HTR4: variants seen among roughly 807,000 people sequenced by gnomAD.
HTR4 encodes 5-hydroxytryptamine receptor 4.
HTR4 carries 16 observed loss-of-function variants against 36.8 expected under a neutral mutation model. The ratio of observed to expected loss-of-function variants is 0.43; its 90% CI spans 0.29 to 0.66. The LOEUF is 0.66. Among genes scored for constraint, HTR4 ranks in the 30% least tolerant of loss-of-function variants. The pLI is 0.13. For missense variants in HTR4, 438 were observed against 490.9 expected, an observed-to-expected ratio of 0.89 and a Z score of 1.02; for synonymous variants, 189 against 185.1, an observed-to-expected ratio of 1.02 and a Z score of -0.17.
At chr5:148,577,976 T>C (rs1760993241) in intron 2 of HTR4, among the ~76,000 whole-genome samples, 2 of 151,866 alleles carry the variant, frequency 1.3e-5, no homozygotes, top group African/African-American at 4.8e-5. Flanking sequence ...AAAATAAAAG[T>C]TAAAAAAAGT....
intron 2 of HTR4, among the ~76,000 whole-genome samples, chr5:148,614,011 G>A (rs548782821): frequency 0.019 from 2,868 of 149,946 alleles, 48 homozygotes; most frequent in South Asian, 0.083. Context: ...ACTACAAACC[G>A]CTGCTCAAGG....
At chr5:148,651,853 T>C (rs1157678873) in intron 1 of HTR4, among the ~76,000 whole-genome samples, 1 of 152,054 alleles carries the variant, frequency 6.6e-6, no homozygotes, top group Non-Finnish European at 1.5e-5. Context: ...AGAAATTAGG[T>C]GAAATGTTTC....
In HTR4 at chr5:148,654,260, G is replaced by C; in HGVS notation, c.-246C>G. On this transcript the variant is annotated 5_prime_UTR_variant, in exon 1 of 7. Coordinates refer to ENST00000377888, the MANE Select transcript of HTR4 (RefSeq NM_000870.7). ...CGTGAGGCGCGGGCCAGGGGCTGCGGGCGCAGGACCCCAGCCCCGGATCAC... is the reference window on the plus strand; with the variant it reads ...CGTGAGGCGCGGGCCAGGGGCTGCGCGCGCAGGACCCCAGCCCCGGATCAC... 1.0e-6 allele frequency: 1 copy of C among 985,238 alleles called. No individual in the cohort carries two copies. Among genetic ancestry groups the C allele is most frequent in the South Asian group, 4.7e-5 (1 of 21,286 alleles). 61.0% of individuals were successfully genotyped at this position (985,238 alleles called of 1,614,324 possible).
At chr5:148,475,571 T>C (rs1251487577), downstream of HTR4, among the ~76,000 whole-genome samples, 2 of 152,164 alleles carry the variant, frequency 1.3e-5, no homozygotes, top group Admixed American at 1.3e-4. Flanking sequence ...CACAGCCAAA[T>C]CCTTTACCAT....
intron 2 of HTR4, among the ~76,000 whole-genome samples, chr5:148,603,114 G>A (rs115252057): frequency 6.6e-6 from 1 of 151,842 alleles, no homozygotes; most frequent in African/African-American, 2.4e-5. Flanking sequence ...TTACAAGAAG[G>A]ATAAATATAT....
At chr5:148,593,019 T>A (rs934015053) in intron 2 of HTR4, among the ~76,000 whole-genome samples, 4 of 152,198 alleles carry the variant, frequency 2.6e-5, no homozygotes, top group Non-Finnish European at 5.9e-5. Context: ...ATGGTTTCAA[T>A]TTATTCTATT....
At chr5:148,473,462 AAT>A (rs1161187280), downstream of HTR4, among the ~76,000 whole-genome samples, 1 of 152,202 alleles carries the variant, frequency 6.6e-6, no homozygotes, top group Non-Finnish European at 1.5e-5. Context: ...TCCTACCTGG[AAT>A]ATTAGACAAT....
chr5:148,575,167 T>C (rs1182743221), intron 2 of HTR4, among the ~76,000 whole-genome samples: 1 of 152,004 alleles, frequency 6.6e-6, no homozygotes, highest in Admixed American at 6.6e-5. Context: ...CAACCTCCAA[T>C]TTTGAGGCTA....
chr5:148,523,156 CA>C, intron 5 of HTR4, 36 bp downstream of exon 5: 1 of 1,571,292 alleles, frequency 6.4e-7, no homozygotes. Flanking sequence ...CAAAGTTGAT[CA>C]GACAGTAAAC....
At chr5:148,571,659 G>T (rs545876825) in intron 2 of HTR4, among the ~76,000 whole-genome samples, 1 of 151,926 alleles carries the variant, frequency 6.6e-6, no homozygotes, top group South Asian at 2.1e-4. Context: ...AGGCTGTTTC[G>T]ATAGACAAGA....
chr5:148,567,939 A>G (rs1219573305), intron 2 of HTR4, among the ~76,000 whole-genome samples: 1 of 152,150 alleles, frequency 6.6e-6, no homozygotes, highest in Non-Finnish European at 1.5e-5. Flanking sequence ...AGGCTTTGTC[A>G]GTTTTCTTGG....
At chr5:148,632,950 A>G (rs1373293925) in intron 2 of HTR4, among the ~76,000 whole-genome samples, 1 of 152,164 alleles carries the variant, frequency 6.6e-6, no homozygotes, top group East Asian at 1.9e-4. Flanking sequence ...AAGATGTTCT[A>G]CAGGGTATCT....
chr5:148,471,870 C>G (rs981853530), downstream of HTR4, among the ~76,000 whole-genome samples: 2 of 152,162 alleles, frequency 1.3e-5, no homozygotes, highest in Admixed American at 6.5e-5. Context: ...TTTTTATGCC[C>G]TAAATGTTAG....
chr5:148,518,948 A>G (rs894866994), intron 5 of HTR4, among the ~76,000 whole-genome samples: 1 of 152,156 alleles, frequency 6.6e-6, no homozygotes, highest in African/African-American at 2.4e-5. Context: ...TTTAAATAAA[A>G]TGTAACACCT....
intron 6 of HTR4, among the ~76,000 whole-genome samples, chr5:148,490,005 A>C (rs1756342494): frequency 6.6e-6 from 1 of 152,098 alleles, no homozygotes; most frequent in Non-Finnish European, 1.5e-5. Context: ...AACCAGAGGC[A>C]GAGAAAATAA....
rs1319374710 is a variant in HTR4, at chr5:148,482,849, G to C, written c.*354C>G. 2 of 1,105,632 alleles carry C rather than the reference G, an allele frequency of 1.8e-6. No homozygotes were observed. The highest frequency in any genetic ancestry group is 2.2e-6 in the Non-Finnish European group (2 of 900,260). The allele number at this position is 1,105,632 out of a possible 1,614,324, so 68.5% of individuals were successfully genotyped here. Reference sequence around the variant, plus strand: ...GGCGTATTTGGAGACATCAGTGACCGAGATAGGACGCAGCAAGCTATCGTG... The same window carrying C: ...GGCGTATTTGGAGACATCAGTGACCCAGATAGGACGCAGCAAGCTATCGTG... On this transcript the variant is annotated 3_prime_UTR_variant, in exon 7 of 7. Coordinates refer to ENST00000377888, the MANE Select transcript of HTR4 (RefSeq NM_000870.7).
intron 5 of HTR4, among the ~76,000 whole-genome samples, chr5:148,522,656 T>A (rs1421292633): frequency 6.6e-6 from 1 of 152,034 alleles, no homozygotes; most frequent in African/African-American, 2.4e-5. Flanking sequence ...TGTGATGGGG[T>A]TTTGTAGTAG....
chr5:148,608,767 A>G (rs999998661), intron 2 of HTR4, among the ~76,000 whole-genome samples: 1 of 152,368 alleles, frequency 6.6e-6, no homozygotes, highest in Non-Finnish European at 1.5e-5. Flanking sequence ...GTGACCAACA[A>G]GGAGGATATT....
chr5:148,625,811 C>T (rs1281746497), intron 2 of HTR4, among the ~76,000 whole-genome samples: 2 of 151,872 alleles, frequency 1.3e-5, no homozygotes, highest in African/African-American at 4.8e-5. Context: ...GATCTCTTGA[C>T]CTCGTGATCC....
Sources: allele counts gnomAD v4.1 joint callset (sites outside exome capture counted in the v4.1 genomes callset), GRCh38; gene constraint gnomAD v4.1.1; transcripts MANE v1.5; gene names NCBI Gene and HGNC (gene_info 2026-07-23, HGNC 2026-07-21).